Variants in SYBU observed in about 807,000 individuals in gnomAD.
The protein encoded by SYBU is GOLSYN A protein.
In SYBU, 21 loss-of-function variants were observed where a neutral mutation model predicts 35.9. The ratio of observed to expected loss-of-function variants is 0.58; its 90% CI spans 0.41 to 0.84. The LOEUF (loss-of-function observed/expected upper bound fraction) is 0.84, where lower values mean the gene tolerates loss of function less well. Ranked by LOEUF, SYBU falls within the 40% of genes least tolerant of loss-of-function variation. SYBU has a pLI of 0.00. For missense variants in SYBU, 768 were observed against 848.2 expected (o/e 0.91, Z 1.17); for synonymous variants, 319 against 324.3 (o/e 0.98, Z 0.18).
chr8:109,635,995 A>G (rs1441825700), intron 2 of SYBU, among the ~76,000 whole-genome samples: 3 of 152,202 alleles, frequency 2.0e-5, no homozygotes, highest in Non-Finnish European at 4.4e-5. Context: ...TCGTGATGGC[A>G]CACATATCCA....
chr8:109,670,415 T>C (rs1192505170), intron 1 of SYBU, among the ~76,000 whole-genome samples: 1 of 151,550 alleles, frequency 6.6e-6, no homozygotes, highest in Non-Finnish European at 1.5e-5. Context: ...ATTTTAACAA[T>C]TAGACTTTTC....
intron 2 of SYBU, among the ~76,000 whole-genome samples, chr8:109,635,724 T>A (rs1436049538): frequency 6.6e-6 from 1 of 152,198 alleles, no homozygotes; most frequent in Non-Finnish European, 1.5e-5. Flanking sequence ...CATTTATCAG[T>A]TCTTCACTTA....
intron 1 of SYBU, among the ~76,000 whole-genome samples, chr8:109,661,717 C>T (rs1816567042): frequency 1.3e-5 from 2 of 152,176 alleles, no homozygotes; most frequent in South Asian, 4.1e-4. Flanking sequence ...GAATAAGCCA[C>T]ATGTATTAAA....
intron 2 of SYBU, among the ~76,000 whole-genome samples, chr8:109,642,300 G>C (rs1004571863): frequency 6.8e-6 from 1 of 146,202 alleles, no homozygotes; most frequent in Non-Finnish European, 1.5e-5. Context: ...CTGTCAGGGG[G>C]TGGGGGCTAG....
intron 1 of SYBU, among the ~76,000 whole-genome samples, chr8:109,677,245 CT>C (rs1817226165): frequency 6.6e-6 from 1 of 152,090 alleles, no homozygotes; most frequent in Non-Finnish European, 1.5e-5. Context: ...AAGTTAACCC[CT>C]GGTACCTTTT....
intron 2 of SYBU, among the ~76,000 whole-genome samples, chr8:109,630,920 G>C (rs1303914066): frequency 6.6e-6 from 1 of 152,192 alleles, no homozygotes; most frequent in Non-Finnish European, 1.5e-5. Flanking sequence ...AAGGTGACTT[G>C]AAAGGCAGGA....
In SYBU at chr8:109,615,349, G is replaced by A. The variant is rs574973306; in HGVS notation, c.427+3493C>T. Among the ~76,000 whole-genome samples, 32 of 152,270 alleles carry A rather than the reference G, an allele frequency of 2.1e-4. 1 individual carries two copies. The South Asian group carries it at 6.6e-3, about 32-fold the overall frequency. On this transcript the variant is annotated intron_variant, in intron 3 of 6. Transcript: ENST00000276646. ...TGGAGGAGGCAGGACATTTTGACCT[G>A]AGAGCAGTATCCTCTTGTGTTTTAA...
intron 1 of SYBU, among the ~76,000 whole-genome samples, chr8:109,657,253 T>C (rs138488979): frequency 6.6e-6 from 1 of 152,346 alleles, no homozygotes; most frequent in Non-Finnish European, 1.5e-5. Flanking sequence ...GGCTCTATTA[T>C]TGCCCTTTAT....
Position 109,622,184 on chromosome 8 carries a change from T to TCTAA in SYBU, c.230-3146_230-3145insTTAG, listed in dbSNP as rs1233259992. On this transcript the variant is annotated intron_variant, in intron 2 of 6. Coordinates refer to ENST00000276646, the MANE Select transcript of SYBU (RefSeq NM_001099754.2). ...ATTAAACAATAAAATAATATGAGTATCTATCTATCTATCTATCTATCTATC... is the reference window on the plus strand; with the variant it reads ...ATTAAACAATAAAATAATATGAGTATCTAACTATCTATCTATCTATCTATCTATC... 2.6e-3 allele frequency among the ~76,000 whole-genome samples: 226 copies of TCTAA among 85,804 alleles called. 2 individuals are homozygous for TCTAA. The highest frequency in any genetic ancestry group is 0.017 in the African/African-American group (212 of 12,472). The allele number at this position is 85,804 out of a possible 152,430, so 56.3% of individuals were successfully genotyped here.
intron 2 of SYBU, among the ~76,000 whole-genome samples, chr8:109,628,667 A>AT (rs942811792): frequency 1.3e-3 from 188 of 148,532 alleles, no homozygotes; most frequent in African/African-American, 4.3e-3. Context: ...CTACAAAAAG[A>AT]TTTTTTTTTT....
intron 1 of SYBU, among the ~76,000 whole-genome samples, chr8:109,655,280 T>C (rs1180957669): frequency 6.6e-6 from 1 of 152,276 alleles, no homozygotes; most frequent in African/African-American, 2.4e-5. Flanking sequence ...TCATGGCATT[T>C]GCTCCTGTCT....
At chr8:109,625,958 C>G (rs1264504727) in intron 2 of SYBU, among the ~76,000 whole-genome samples, 1 of 152,158 alleles carries the variant, frequency 6.6e-6, no homozygotes, top group Non-Finnish European at 1.5e-5. Flanking sequence ...CCTGCCAGTA[C>G]TAAATATTAT....
At chr8:109,589,507 G>A (rs1586754996) in intron 3 of SYBU, among the ~76,000 whole-genome samples, 1 of 152,274 alleles carries the variant, frequency 6.6e-6, no homozygotes, top group East Asian at 1.9e-4. Flanking sequence ...GATGCCAAAC[G>A]CTTGGTGACT....
chr8:109,654,049 AT>A (rs139761673), intron 1 of SYBU, among the ~76,000 whole-genome samples: 3,037 of 151,576 alleles, frequency 0.02, 107 homozygotes, highest in African/African-American at 0.069. Context: ...AACGTTAGCT[AT>A]TTTTTTTTAT....
At chr8:109,657,598 GAAA>G (rs1816402585) in intron 1 of SYBU, among the ~76,000 whole-genome samples, 1 of 152,222 alleles carries the variant, frequency 6.6e-6, no homozygotes, top group Non-Finnish European at 1.5e-5. Flanking sequence ...TGTTGCCACT[GAAA>G]CTGGAAATGA....
rs373234433 is a variant in SYBU at position 109,660,528 on chromosome 8, T to G, written c.-129+20183A>C. Among the ~76,000 whole-genome samples the G allele has an allele frequency of 1.7e-4, 26 of 152,298 alleles. 1 individual carries two copies. The East Asian group carries it at 3.9e-3, about 23-fold the overall frequency. The stretch of plus-strand genomic sequence containing the variant: ...AGTATAGTGTAGCTAGCCTGCCTGT[T>G]TACCAGATTACTATCTATCCAAACA... On this transcript the variant is annotated intron_variant, in intron 1 of 5. Transcript: ENST00000408889.
intron 1 of SYBU, among the ~76,000 whole-genome samples, chr8:109,689,544 C>T (rs116076560): frequency 2.2e-4 from 34 of 152,190 alleles, no homozygotes; most frequent in African/African-American, 8.2e-4. Flanking sequence ...GTTGTCCAGG[C>T]TGGTCTCAAA....
chr8:109,678,224 T>C (rs2130778989), intron 1 of SYBU, among the ~76,000 whole-genome samples: 1 of 151,688 alleles, frequency 6.6e-6, no homozygotes, highest in Middle Eastern at 3.4e-3. Context: ...CACACTCTTT[T>C]AAAGTTTACT....
upstream of SYBU, among the ~76,000 whole-genome samples, chr8:109,682,780 G>T (rs1407701412): frequency 1.3e-5 from 2 of 152,142 alleles, no homozygotes; most frequent in Admixed American, 1.3e-4. Context: ...CAGACCCAGA[G>T]GCCTAGTAGG....
Sources: allele counts gnomAD v4.1 joint callset (sites outside exome capture counted in the v4.1 genomes callset), GRCh38; gene constraint gnomAD v4.1.1; transcripts MANE v1.5; gene names NCBI Gene and HGNC (gene_info 2026-07-23, HGNC 2026-07-21).